Variants in MPP7 observed in about 807,000 individuals in gnomAD.
The protein encoded by MPP7 is MAGUK p55 subfamily member 7.
A neutral mutation model predicts 76.5 loss-of-function variants in MPP7; 60 were observed. The ratio of observed to expected loss-of-function variants is 0.78; its 90% CI spans 0.64 to 0.97. MPP7 has a LOEUF of 0.97. Ranked by LOEUF, MPP7 falls within the 50% of genes least tolerant of loss-of-function variation. The pLI is 0.00. For missense variants in MPP7, 641 were observed against 694.0 expected, an observed-to-expected ratio of 0.92 and a Z score of 0.86; for synonymous variants, 237 against 244.5, an observed-to-expected ratio of 0.97 and a Z score of 0.29.
intron 2 of MPP7, among the ~76,000 whole-genome samples, chr10:28,207,910 C>A (rs1337558207): frequency 1.3e-5 from 2 of 152,096 alleles, no homozygotes; most frequent in African/African-American, 4.8e-5. Context: ...AGTGATTTAT[C>A]AAACCCTAAT....
chr10:28,259,445 T>C (rs538088478), intron 1 of MPP7, among the ~76,000 whole-genome samples: 1 of 152,110 alleles, frequency 6.6e-6, no homozygotes, highest in South Asian at 2.1e-4. Flanking sequence ...CCAGGCGTCA[T>C]GGTGCACGCC....
Position 28,053,407 on chromosome 10 carries a change from T to G in MPP7, c.*658A>C, listed in dbSNP as rs1336415793. ...CTGTTAAAAGTCTACTTTCCCTTAT[T>G]AAATGTTGTTGAGTCACTGACAGGT... On this transcript the variant is annotated 3_prime_UTR_variant, in exon 17 of 17. Transcript: ENST00000683449. 6.6e-6 allele frequency: 1 copy of G among 152,194 alleles called. No homozygotes were observed. Among genetic ancestry groups the G allele is most frequent in the African/African-American group, 2.4e-5 (1 of 41,460 alleles). 9.4% of individuals were successfully genotyped at this position (152,194 alleles called of 1,614,324 possible).
chr10:28,176,134 A>G (rs1473310199), intron 3 of MPP7, among the ~76,000 whole-genome samples: 1 of 152,166 alleles, frequency 6.6e-6, no homozygotes, highest in Admixed American at 6.5e-5. Flanking sequence ...AGGAACCAAT[A>G]CAGTATTTAA....
At chr10:28,069,581 C>A (rs56302714) in intron 13 of MPP7, among the ~76,000 whole-genome samples, 191 bp downstream of exon 13, 3,206 of 144,884 alleles carry the variant, frequency 0.022, 118 homozygotes, top group African/African-American at 0.08. Context: ...TCCAGCCTGG[C>A]AACAGAGTGA....
At chr10:28,074,616 C>T (rs1187895435) in intron 12 of MPP7, among the ~76,000 whole-genome samples, 2 of 152,132 alleles carry the variant, frequency 1.3e-5, no homozygotes, top group Non-Finnish European at 2.9e-5. Context: ...CTTTATCCTT[C>T]CTTCCAGCCA....
At chr10:28,248,906 C>T (rs1013753084) in intron 1 of MPP7, among the ~76,000 whole-genome samples, 1 of 152,110 alleles carries the variant, frequency 6.6e-6, no homozygotes, top group African/African-American at 2.4e-5. Context: ...AGGACCAAGT[C>T]GCCTAACAAC....
intron 1 of MPP7, among the ~76,000 whole-genome samples, chr10:28,262,192 T>A (rs1414417212): frequency 1.6e-4 from 3 of 19,114 alleles, no homozygotes; most frequent in Non-Finnish European, 3.6e-4. Flanking sequence ...AAATTATATA[T>A]ATATATATAT....
At chr10:28,284,350 C>A (rs541541963) in intron 1 of MPP7, among the ~76,000 whole-genome samples, 16 of 152,132 alleles carry the variant, frequency 1.1e-4, no homozygotes, top group Non-Finnish European at 2.2e-4. Flanking sequence ...TCAGTAATCA[C>A]TCAAATCATG....
At chr10:28,264,521 C>G (rs1043146102) in intron 1 of MPP7, among the ~76,000 whole-genome samples, 1 of 149,624 alleles carries the variant, frequency 6.7e-6, no homozygotes, top group Non-Finnish European at 1.5e-5. Context: ...GCCTTGGTCA[C>G]AAAATTAGAG....
At chr10:28,174,194 G>A (rs1050064756) in intron 3 of MPP7, among the ~76,000 whole-genome samples, 6 of 151,832 alleles carry the variant, frequency 4.0e-5, no homozygotes, top group African/African-American at 1.5e-4. Flanking sequence ...ACTGATCGTG[G>A]CAATACAAAC....
chr10:28,226,703 CAT>C (rs1838703543), intron 2 of MPP7, among the ~76,000 whole-genome samples: 1 of 152,134 alleles, frequency 6.6e-6, no homozygotes, highest in Non-Finnish European at 1.5e-5. Context: ...TTATATCACA[CAT>C]ATTTTATCTC....
intron 8 of MPP7, 79 bp downstream of exon 8, chr10:28,123,952 T>C (rs1370413410): frequency 2.0e-6 from 2 of 976,898 alleles, no homozygotes; most frequent in Admixed American, 3.5e-5. Flanking sequence ...CCTGTCTATG[T>C]CAAACCAAGT....
intron 15 of MPP7, 46 bp downstream of exon 15, chr10:28,058,449 G>C: frequency 9.7e-7 from 1 of 1,028,238 alleles, no homozygotes; most frequent in Non-Finnish European, 1.4e-6. Flanking sequence ...AGGTGCTGTA[G>C]ATGACATGGG....
intron 13 of MPP7, among the ~76,000 whole-genome samples, chr10:28,069,335 T>C (rs1329266204): frequency 1.3e-5 from 2 of 152,228 alleles, no homozygotes; most frequent in Non-Finnish European, 2.9e-5. Context: ...CCAGGTGTGA[T>C]GGTTCACGCC....
intron 3 of MPP7, among the ~76,000 whole-genome samples, chr10:28,199,789 T>A (rs918093354): frequency 4.6e-5 from 7 of 151,902 alleles, no homozygotes; most frequent in East Asian, 1.9e-4. Context: ...AATTTTTTTT[T>A]GAGAGAGAGG....
At chr10:28,056,931 T>C (rs1002587539) in intron 15 of MPP7, among the ~76,000 whole-genome samples, 1 of 152,180 alleles carries the variant, frequency 6.6e-6, no homozygotes, top group Non-Finnish European at 1.5e-5. Flanking sequence ...TTAAATAACT[T>C]TCTGTCCACA....
intron 11 of MPP7, chr10:28,119,176 G>A (rs1213088146): frequency 2.0e-6 from 1 of 493,466 alleles, no homozygotes; most frequent in Non-Finnish European, 2.6e-6. Context: ...TAACTCCAAA[G>A]GGATAGGCTA....
chr10:28,109,328 G>A (rs568796789), intron 11 of MPP7, among the ~76,000 whole-genome samples: 3 of 151,950 alleles, frequency 2.0e-5, no homozygotes, highest in Non-Finnish European at 2.9e-5. Flanking sequence ...GAAAGTTGTC[G>A]GGAAGAAAAA....
At chr10:28,172,256 CACAA>C (rs1184493939) in intron 3 of MPP7, among the ~76,000 whole-genome samples, 1 of 152,152 alleles carries the variant, frequency 6.6e-6, no homozygotes. Context: ...TAAAATTCAG[CACAA>C]ACAAATACAT....
Sources: gnomAD v4.1 joint callset for allele counts (sites outside exome capture counted in the v4.1 genomes callset) on GRCh38, gnomAD v4.1.1 for gene constraint, MANE v1.5 for transcripts, NCBI Gene and HGNC (gene_info 2026-07-23, HGNC 2026-07-21) for gene names.